Variants in ASCL5 observed in about 807,000 individuals in gnomAD.
ASCL5 encodes achaete-scute homolog 5.
For missense variants in ASCL5, 262 were observed against 268.9 expected, an observed-to-expected ratio of 0.97 and a Z score of 0.18; for synonymous variants, 124 against 131.5, an observed-to-expected ratio of 0.94 and a Z score of 0.39.
In ASCL5 at chr1:201,114,217, C is replaced by G. The variant is rs1041070701; in HGVS notation, c.*535G>C. 3 of 152,278 alleles carry G rather than the reference C, an allele frequency of 2.0e-5. No homozygotes were observed. The highest frequency in any genetic ancestry group is 7.2e-5 in the African/African-American group (3 of 41,454). 9.4% of individuals were successfully genotyped at this position (152,278 alleles called of 1,614,324 possible). ...AGGTTCGGTCTGGGCTGAGCGCCAGCAGCAATCTGGCCTCCCATCCCTTCC... is the reference window on the plus strand; with the variant it reads ...AGGTTCGGTCTGGGCTGAGCGCCAGGAGCAATCTGGCCTCCCATCCCTTCC... On this transcript the variant is annotated 3_prime_UTR_variant, in exon 2 of 2. Coordinates refer to ENST00000449188, the MANE Select transcript of ASCL5 (RefSeq NM_001270601.2).
At position 201,118,057 on chromosome 1, in the gene ASCL5, C is replaced by T. The variant is rs191794095; in HGVS notation, c.-505-2180G>A. Among the ~76,000 whole-genome samples, 3 of 152,300 alleles carry T rather than the reference C, an allele frequency of 2.0e-5. No homozygotes were observed. The East Asian group carries it at 5.8e-4, about 29-fold the overall frequency. On this transcript the variant is annotated intron_variant, in intron 1 of 1. Transcript: ENST00000449188. ...TATTTGTTCATGTTGATTTAATATT[C>T]ATAACTTATTTATTTTCCTCATATA...
At chr1:201,125,082 G>A (rs1219714358) in intron 1 of ASCL5, among the ~76,000 whole-genome samples, 3 of 152,248 alleles carry the variant, frequency 2.0e-5, no homozygotes, top group Non-Finnish European at 4.4e-5. Flanking sequence ...AGATGTGTCT[G>A]AGAATCCTGG....
rs1477154662 is a variant in ASCL5 at position 201,115,540 on chromosome 1, C to T, written c.-168G>A. On this transcript the variant is annotated 5_prime_UTR_variant, in exon 2 of 2. Transcript: ENST00000449188. ...CTTTAGGGTGGCTTCCAATGACTCC[C>T]TAACAAGAGCCATCGCCCTAGACAA... The T allele has an allele frequency of 2.3e-6, 1 of 434,348 alleles. No homozygotes were observed. The highest frequency in any genetic ancestry group is 3.6e-5 in the East Asian group (1 of 27,986). The allele number at this position is 434,348 out of a possible 1,614,324, so 26.9% of individuals were successfully genotyped here. A position where few individuals can be genotyped will look rare whatever the true frequency, so the allele number is the denominator to read the frequency against.
At chr1:201,122,237 T>C (rs1350821395) in intron 1 of ASCL5, among the ~76,000 whole-genome samples, 1 of 152,222 alleles carries the variant, frequency 6.6e-6, no homozygotes, top group Non-Finnish European at 1.5e-5. Flanking sequence ...CCATCCTCCC[T>C]GCCTCAGGTT....
At chr1:201,119,178 G>A (rs774222083) in intron 1 of ASCL5, among the ~76,000 whole-genome samples, 5 of 152,212 alleles carry the variant, frequency 3.3e-5, no homozygotes, top group Non-Finnish European at 7.3e-5. Flanking sequence ...GGTCACCCCG[G>A]TCATCTTTTG....
Position 201,115,270 on chromosome 1 carries a change from G to T in ASCL5, c.103C>A (p.Pro35Thr), listed in dbSNP as rs964462417. ...ACGTTGCCCAGGGGCTCGGCGGGGG[G>T]CAGGGGCGCCTGCCGGGGAGGGGGC... is the stretch of plus-strand genomic sequence containing the variant. ...VMPPPRQAPL[P>T]PAEPLGNVPF... Residue 35 changes from proline to threonine, a missense_variant, in exon 2 of 2, where the codon CCC becomes ACC. Pro to Thr is a conservative substitution (Grantham distance 38). Coordinates refer to ENST00000449188, the MANE Select transcript of ASCL5 (RefSeq NM_001270601.2). The T allele has an allele frequency of 3.2e-6, 4 of 1,231,380 alleles. No individual in the cohort carries two copies. The highest frequency in any genetic ancestry group is 3.0e-6 in the Non-Finnish European group (3 of 987,724). 76.3% of individuals were successfully genotyped at this position (1,231,380 alleles called of 1,614,324 possible). A position where few individuals can be genotyped will look rare whatever the true frequency, so the allele number is the denominator to read the frequency against.
chr1:201,117,158 G>A (rs917016924), intron 1 of ASCL5, among the ~76,000 whole-genome samples: 6 of 152,168 alleles, frequency 3.9e-5, no homozygotes, highest in Non-Finnish European at 7.3e-5. Flanking sequence ...AAACCAGGCC[G>A]GGCATGGTGG....
Position 201,125,201 on chromosome 1 carries a change from G to A in ASCL5, c.-506+1883C>T, listed in dbSNP as rs113102538. Among the ~76,000 whole-genome samples, 283 of 152,328 alleles carry A rather than the reference G, an allele frequency of 1.9e-3. 1 individual carries two copies. Among genetic ancestry groups the A allele is most frequent in the African/African-American group, 6.6e-3 (275 of 41,566 alleles). On this transcript the variant is annotated intron_variant, in intron 1 of 1. Transcript: ENST00000449188. ...TTCCTAAGGTTACTGTGAAGTTCAA[G>A]GAGATCGTGCATGAAAACACGCTGG...
intron 1 of ASCL5, among the ~76,000 whole-genome samples, chr1:201,119,373 A>C (rs1663406866): frequency 6.6e-6 from 1 of 152,178 alleles, no homozygotes; most frequent in African/African-American, 2.4e-5. Context: ...CTCATCGGCT[A>C]AGTTCATGGG....
At chr1:201,120,080 C>T (rs1344593216) in intron 1 of ASCL5, among the ~76,000 whole-genome samples, 1 of 152,182 alleles carries the variant, frequency 6.6e-6, no homozygotes, top group Non-Finnish European at 1.5e-5. Flanking sequence ...AGCTGTTAGG[C>T]CTGCAGTCTA....
At position 201,115,145 on chromosome 1, in the gene ASCL5, G is replaced by C. The variant is rs1210404301; in HGVS notation, c.228C>G (p.Tyr76Ter). The part of the protein sequence containing the change: ...YVPFPGAFGV[Y>*]EYPFEPAFIQ... ...TGAAGGCTGGCTCGAAGGGGTATTC[G>C]TAGACCCCGAAGGCGCCGGGGAAGG... The change falls in exon 2 of 2, where the codon TAC becomes TAG. Residue 76 changes from tyrosine to a stop codon, truncating the protein, a stop_gained. Coordinates refer to ENST00000449188, the MANE Select transcript of ASCL5 (RefSeq NM_001270601.2). LOFTEE classifies it low-confidence loss of function (END_TRUNC). 6 of 1,231,610 alleles carry C rather than the reference G, an allele frequency of 4.9e-6. No individual in the cohort carries two copies. Among genetic ancestry groups the C allele is most frequent in the Middle Eastern group, 3.1e-4 (1 of 3,232 alleles). The allele number at this position is 1,231,610 out of a possible 1,614,324, so 76.3% of individuals were successfully genotyped here.
At chr1:201,120,648 T>A (rs1323820559) in intron 1 of ASCL5, among the ~76,000 whole-genome samples, 1 of 152,194 alleles carries the variant, frequency 6.6e-6, no homozygotes, top group Non-Finnish European at 1.5e-5. Context: ...AAGGCAGATG[T>A]GAACTTTGAA....
rs1663455744 is a variant in ASCL5 at position 201,121,374 on chromosome 1, A to G, written c.-505-5497T>C. Among the ~76,000 whole-genome samples, 9 of 152,136 alleles carry G rather than the reference A, an allele frequency of 5.9e-5. No homozygotes were observed. The South Asian group carries it at 1.9e-3, about 32-fold the overall frequency. ...GTAATCCCAGCACTTTCGGAGGCCG[A>G]GGTGGGGGGATCGCTTGAGCCCAGG... On this transcript the variant is annotated intron_variant, in intron 1 of 1. Transcript: ENST00000449188.
intron 1 of ASCL5, among the ~76,000 whole-genome samples, chr1:201,121,269 C>G (rs1173008972): frequency 1.3e-5 from 2 of 152,232 alleles, no homozygotes; most frequent in Non-Finnish European, 2.9e-5. Flanking sequence ...GAATACACTT[C>G]AGGAAATTCT....
chr1:201,115,430 G>C lies in ASCL5; in HGVS notation c.-58C>G. 8.2e-7 allele frequency: 1 copy of C among 1,220,590 alleles called. No individual in the cohort carries two copies. The highest frequency in any genetic ancestry group is 3.2e-5 in the East Asian group (1 of 31,608). The allele number at this position is 1,220,590 out of a possible 1,614,324, so 75.6% of individuals were successfully genotyped here. A position where few individuals can be genotyped will look rare whatever the true frequency, so the allele number is the denominator to read the frequency against. On this transcript the variant is annotated 5_prime_UTR_variant, in exon 2 of 2. Transcript: ENST00000449188. ...CTCCACCGAATGGCCCCGGCTTGGG[G>C]TCTGCACCGTCTCCACCAGTGGGGC...
Position 201,114,681 on chromosome 1 carries a change from C to T in ASCL5, c.*71G>A. The T allele has an allele frequency of 8.2e-7, 1 of 1,212,604 alleles. No individual in the cohort carries two copies. Among genetic ancestry groups the T allele is most frequent in the Non-Finnish European group, 1.0e-6 (1 of 972,040 alleles). The allele number at this position is 1,212,604 out of a possible 1,614,324, so 75.1% of individuals were successfully genotyped here. The stretch of plus-strand genomic sequence containing the variant: ...GGCGCATCGCGGGTGACCCAACAGC[C>T]TCCCGCTGCTCCCGAAAGTGGGACG... On this transcript the variant is annotated 3_prime_UTR_variant, in exon 2 of 2. Transcript: ENST00000449188.
chr1:201,121,105 T>A (rs1398068881), intron 1 of ASCL5, among the ~76,000 whole-genome samples: 2 of 152,230 alleles, frequency 1.3e-5, no homozygotes, highest in East Asian at 3.9e-4. Flanking sequence ...CCTCCTTGGA[T>A]ACCCACATTA....
At chr1:201,122,307 T>G (rs1235521964) in intron 1 of ASCL5, among the ~76,000 whole-genome samples, 2 of 152,178 alleles carry the variant, frequency 1.3e-5, no homozygotes, top group African/African-American at 2.4e-5. Flanking sequence ...AGAGAAAAGC[T>G]CACAGAGCTT....
intron 1 of ASCL5, among the ~76,000 whole-genome samples, chr1:201,122,978 G>C (rs1663512727): frequency 6.6e-6 from 1 of 152,178 alleles, no homozygotes; most frequent in African/African-American, 2.4e-5. Context: ...GCACCTAAAA[G>C]CAATTGAATT....
Sources: allele counts gnomAD v4.1 joint callset (sites outside exome capture counted in the v4.1 genomes callset), GRCh38; gene constraint gnomAD v4.1.1; transcripts MANE v1.5; gene names NCBI Gene and HGNC (gene_info 2026-07-23, HGNC 2026-07-21).